MECOM: variants seen among roughly 807,000 people sequenced by gnomAD.
The protein encoded by MECOM is histone-lysine N-methyltransferase MECOM.
A neutral mutation model predicts 116.3 loss-of-function variants in MECOM; 13 were observed. The observed-to-expected ratio is 0.11, with a 90% CI of 0.07 to 0.18. MECOM has a LOEUF of 0.18. Among genes scored for constraint, MECOM ranks in the 10% least tolerant of loss-of-function variants. MECOM has a pLI of 1.00. For missense variants in MECOM, 1,299 were observed against 1,509.0 expected, an observed-to-expected ratio of 0.86 and a Z score of 2.31; for synonymous variants, 528 against 535.2, an observed-to-expected ratio of 0.99 and a Z score of 0.19.
chr3:169,169,902 A>G (rs758710006), intron 2 of MECOM, among the ~76,000 whole-genome samples: 14 of 151,672 alleles, frequency 9.2e-5, no homozygotes, highest in Non-Finnish European at 1.9e-4. Flanking sequence ...GGCCTAGATG[A>G]TATCTTACTA....
intron 15 of MECOM, among the ~76,000 whole-genome samples, chr3:169,089,741 G>A (rs1390137912): frequency 1.3e-5 from 2 of 151,984 alleles, no homozygotes; most frequent in African/African-American, 4.8e-5. Context: ...AAATGATTGT[G>A]TACTTATGTA....
At chr3:169,442,082 C>T (rs868649447) in intron 1 of MECOM, among the ~76,000 whole-genome samples, 2 of 152,234 alleles carry the variant, frequency 1.3e-5, no homozygotes, top group Middle Eastern at 3.4e-3. Flanking sequence ...CATGCCACCA[C>T]ACCCAGCTAA....
intron 16 of MECOM, among the ~76,000 whole-genome samples, chr3:169,087,912 G>A (rs1718358426): frequency 6.6e-6 from 1 of 152,170 alleles, no homozygotes; most frequent in Admixed American, 6.5e-5. Context: ...GATGGTGGCT[G>A]CTTTAACTTC....
In MECOM at chr3:169,249,458, G is replaced by A. The variant is rs1047194510; in HGVS notation, c.376-105626C>T. ...AAATCTTCCTTGGCTCCCGGTCCAA[G>A]GCAGAGGTATTGTTACTCTAATTCA... On this transcript the variant is annotated intron_variant, in intron 2 of 16. Coordinates refer to ENST00000651503, the MANE Select transcript of MECOM (RefSeq NM_004991.4). Among the ~76,000 whole-genome samples, 4 of 152,350 alleles carry A rather than the reference G, an allele frequency of 2.6e-5. No individual in the cohort carries two copies. The South Asian group carries it at 8.3e-4, about 32-fold the overall frequency.
chr3:169,111,574 T>G (rs1727423060), intron 9 of MECOM, among the ~76,000 whole-genome samples: 1 of 152,118 alleles, frequency 6.6e-6, no homozygotes, highest in Non-Finnish European at 1.5e-5. Context: ...TTCTTTTCCA[T>G]AAAGTAATTA....
chr3:169,580,020 C>A (rs1833341), intron 1 of MECOM, among the ~76,000 whole-genome samples: 45,647 of 152,024 alleles, frequency 0.3, 7,945 homozygotes, highest in East Asian at 0.7. Context: ...CAACTCGTCA[C>A]CTGCTAGGAA....
At chr3:169,361,907 A>C (rs2149825708) in intron 2 of MECOM, among the ~76,000 whole-genome samples, 1 of 151,958 alleles carries the variant, frequency 6.6e-6, no homozygotes, top group South Asian at 2.1e-4. Context: ...GAATAGAATT[A>C]TCTCTCTAAA....
chr3:169,139,729 G>A (rs886347927), intron 3 of MECOM, among the ~76,000 whole-genome samples: 2 of 152,008 alleles, frequency 1.3e-5, no homozygotes, highest in Non-Finnish European at 2.9e-5. Flanking sequence ...ATGAGAACTG[G>A]CCTTGTCTGA....
intron 1 of MECOM, among the ~76,000 whole-genome samples, chr3:169,413,978 T>G (rs1052205959): frequency 3.3e-5 from 5 of 152,228 alleles, no homozygotes; most frequent in African/African-American, 1.2e-4. Flanking sequence ...GACTTAAATG[T>G]TCCTGCCTGC....
intron 1 of MECOM, among the ~76,000 whole-genome samples, chr3:169,520,995 G>A (rs1423807392): frequency 6.6e-6 from 1 of 152,142 alleles, no homozygotes; most frequent in Non-Finnish European, 1.5e-5. Context: ...TATACACAAG[G>A]TCTGTCATAT....
At chr3:169,398,002 G>C (rs1735281140) in intron 1 of MECOM, among the ~76,000 whole-genome samples, 1 of 152,142 alleles carries the variant, frequency 6.6e-6, no homozygotes, top group Non-Finnish European at 1.5e-5. Context: ...CTAGTGAACT[G>C]CTAGCAAAGA....
intron 2 of MECOM, chr3:169,146,595 C>A (rs779167603): frequency 1.5e-4 from 212 of 1,371,994 alleles, no homozygotes; most frequent in Admixed American, 2.5e-4. Flanking sequence ...AGACTGCGGG[C>A]GAGGAGGAAA....
chr3:169,146,141 C>CT (rs1739824412), intron 2 of MECOM: 8 of 818,788 alleles, frequency 9.8e-6, no homozygotes, highest in African/African-American at 1.8e-5. Flanking sequence ...CCAAAGATAG[C>CT]TTAAAAAAAA....
intron 2 of MECOM, among the ~76,000 whole-genome samples, chr3:169,156,160 T>A (rs1286265079): frequency 6.6e-6 from 1 of 152,096 alleles, no homozygotes; most frequent in African/African-American, 2.4e-5. Flanking sequence ...CTTCACCCAA[T>A]GGATAAAGAT....
At chr3:169,257,951 C>T (rs1391042597) in intron 2 of MECOM, among the ~76,000 whole-genome samples, 4 of 152,142 alleles carry the variant, frequency 2.6e-5, no homozygotes, top group African/African-American at 4.8e-5. Context: ...CCGGGCATGG[C>T]GGCGCATGCC....
At chr3:169,159,723 A>T (rs1397061996) in intron 2 of MECOM, among the ~76,000 whole-genome samples, 4 of 152,196 alleles carry the variant, frequency 2.6e-5, no homozygotes, top group African/African-American at 7.2e-5. Flanking sequence ...TAAAAATTTT[A>T]AAAAAGAAGT....
intron 2 of MECOM, among the ~76,000 whole-genome samples, chr3:169,317,779 A>T (rs969131944): frequency 1.3e-5 from 2 of 152,214 alleles, no homozygotes; most frequent in Admixed American, 1.3e-4. Context: ...AATGCTTTAA[A>T]TGTCATGTGG....
chr3:169,449,587 T>TA (rs1745215258), intron 1 of MECOM, among the ~76,000 whole-genome samples: 1 of 152,168 alleles, frequency 6.6e-6, no homozygotes, highest in African/African-American at 2.4e-5. Flanking sequence ...TAATATGGAT[T>TA]AAAATAAGAT....
intron 10 of MECOM, among the ~76,000 whole-genome samples, chr3:169,103,531 C>T (rs191655222): frequency 1.3e-5 from 2 of 152,264 alleles, no homozygotes; most frequent in African/African-American, 4.8e-5. Flanking sequence ...ATAAAAATCT[C>T]AAAGAGCTGT....
Sources: allele counts gnomAD v4.1 joint callset (sites outside exome capture counted in the v4.1 genomes callset), GRCh38; gene constraint gnomAD v4.1.1; transcripts MANE v1.5; gene names NCBI Gene and HGNC (gene_info 2026-07-23, HGNC 2026-07-21).